The following TNS1 variants were observed in gnomAD, a reference collection of about 807,000 sequenced individuals.
TNS1 encodes tensin-1.
Under a neutral mutation model 168.6 loss-of-function variants are expected in TNS1, and 62 were observed. The observed-to-expected ratio is 0.37, with a 90% CI of 0.30 to 0.45. The LOEUF is 0.45. Among genes scored for constraint, TNS1 ranks in the 20% least tolerant of loss-of-function variants. TNS1 has a pLI of 1.00. For synonymous variants in TNS1, 934 were observed against 933.2 expected (o/e 1.00, Z -0.02); for missense variants, 2,240 against 2,339.4 (o/e 0.96, Z 0.88).
At chr2:217,942,984 G>C (rs1279786734) in intron 3 of TNS1, among the ~76,000 whole-genome samples, 1 of 152,208 alleles carries the variant, frequency 6.6e-6, no homozygotes, top group Non-Finnish European at 1.5e-5. Flanking sequence ...TGGATTGGGG[G>C]TTGGGGGACT....
rs762642338 is a variant in TNS1 at position 217,809,991 on chromosome 2, G to A, written c.5105C>T (p.Ala1702Val). ...AGAGTTGACGAAGAGCACATTGCAG[G>A]CTGGAAGAAACCAACCCAAGGGGGA... ...STADLLKQGA[A>V]CNVLFVNSVD... is the part of the protein sequence containing the mutation. Residue 1702 changes from alanine to valine, a missense_variant and splice_region_variant, in exon 30 of 33, where the codon GCC (alanine) becomes GTC (valine). Ala to Val is a moderately conservative substitution (Grantham distance 64, BLOSUM62 0). Transcript: ENST00000682258. 1 of 1,610,084 alleles carries A rather than the reference G, an allele frequency of 6.2e-7. No individual in the cohort carries two copies. Among genetic ancestry groups the A allele is most frequent in the South Asian group, 1.1e-5 (1 of 90,922 alleles).
intron 22 of TNS1, 65 bp from the exon 23 acceptor site, chr2:217,822,003 C>A (rs76633178): frequency 6.8e-7 from 1 of 1,466,232 alleles, no homozygotes; most frequent in African/African-American, 1.4e-5. Context: ...CAGGTCCCCC[C>A]CAACCTCCCC....
At chr2:217,961,795 C>T (rs1358906674) in intron 3 of TNS1, among the ~76,000 whole-genome samples, 2 of 152,092 alleles carry the variant, frequency 1.3e-5, no homozygotes, top group Admixed American at 1.3e-4. Flanking sequence ...TTCTCTGTAT[C>T]AACTTGACTA....
chr2:217,847,168 A>G (rs1226072122), intron 19 of TNS1, among the ~76,000 whole-genome samples: 1 of 152,224 alleles, frequency 6.6e-6, no homozygotes, highest in East Asian at 1.9e-4. Context: ...CCTAGGTGGT[A>G]AGCTTTGCTT....
intron 1 of TNS1, among the ~76,000 whole-genome samples, chr2:218,000,645 G>A (rs1479273614): frequency 1.3e-5 from 2 of 152,242 alleles, no homozygotes; most frequent in Admixed American, 6.5e-5. Flanking sequence ...CTCATGAAGG[G>A]AACTGCTTTA....
intron 21 of TNS1, among the ~76,000 whole-genome samples, chr2:217,833,600 A>G (rs2552531): frequency 0.1 from 15,393 of 152,280 alleles, 1,145 homozygotes; most frequent in African/African-American, 0.21. Context: ...AGATGTCACC[A>G]TGGAAAGTGA....
At chr2:217,899,985 G>A (rs1040081233) in intron 7 of TNS1, among the ~76,000 whole-genome samples, 3 of 152,116 alleles carry the variant, frequency 2.0e-5, no homozygotes, top group Non-Finnish European at 4.4e-5. Context: ...CCTTCCCCCG[G>A]CCCCTGCCAG....
intron 1 of TNS1, among the ~76,000 whole-genome samples, chr2:218,028,748 G>T (rs1385963960): frequency 6.6e-6 from 1 of 152,198 alleles, no homozygotes; most frequent in Non-Finnish European, 1.5e-5. Context: ...AGAAGGGCTG[G>T]CCAAAAGCAC....
rs1240441670 is a variant in TNS1, at chr2:217,848,592, C to A, written c.1925G>T (p.Gly642Val). ...GACCCCGTCCAGAGAAGAGAGTGTG[C>A]CCATGCTGCCCGCACTGTGACCATC... ...NQDGHSAGSM[G>V]TLSSLDGVTN... Residue 642 changes from glycine to valine, a missense_variant, in exon 19 of 33, where the codon GGC (glycine) becomes GTC (valine). Transcript: ENST00000682258. The A allele has an allele frequency of 1.9e-6, 3 of 1,614,200 alleles. No homozygotes were observed. Among genetic ancestry groups the A allele is most frequent in the Non-Finnish European group, 2.5e-6 (3 of 1,180,022 alleles).
chr2:217,998,645 G>T (rs373493833), intron 1 of TNS1, among the ~76,000 whole-genome samples: 2 of 152,244 alleles, frequency 1.3e-5, no homozygotes, highest in African/African-American at 4.8e-5. Flanking sequence ...GACTACCAGC[G>T]CATACCACCA....
chr2:217,837,612 G>T (rs1322896341), intron 19 of TNS1, among the ~76,000 whole-genome samples: 1 of 152,224 alleles, frequency 6.6e-6, no homozygotes, highest in African/African-American at 2.4e-5. Context: ...GTGGTGCCCT[G>T]AGTCTCCGCT....
At chr2:217,833,022 T>C (rs1056331619) in intron 21 of TNS1, among the ~76,000 whole-genome samples, 1 of 152,204 alleles carries the variant, frequency 6.6e-6, no homozygotes, top group African/African-American at 2.4e-5. Flanking sequence ...GTCTTGCTCA[T>C]AGACGCTTAT....
At chr2:217,962,246 G>T (rs1957515686) in intron 3 of TNS1, among the ~76,000 whole-genome samples, 1 of 152,166 alleles carries the variant, frequency 6.6e-6, no homozygotes, top group Non-Finnish European at 1.5e-5. Context: ...GAGCTCAAGA[G>T]CAGCCTGACC....
intron 3 of TNS1, among the ~76,000 whole-genome samples, chr2:217,926,956 G>C (rs1956059001): frequency 6.6e-6 from 1 of 152,210 alleles, no homozygotes; most frequent in Admixed American, 6.5e-5. Context: ...CAGGGCTATG[G>C]GATCACAGAG....
At chr2:217,808,518 C>G (rs1417745656) in intron 31 of TNS1, 85 bp downstream of exon 31, 1 of 1,291,780 alleles carries the variant, frequency 7.7e-7, no homozygotes, top group African/African-American at 1.5e-5. Context: ...CACACACACA[C>G]ACACACACAT....
chr2:217,809,280 C>CATGG (rs1940022247), intron 30 of TNS1, among the ~76,000 whole-genome samples: 1 of 4,282 alleles, frequency 2.3e-4, no homozygotes, highest in Admixed American at 2.7e-3. Flanking sequence ...TGGATGGATG[C>CATGG]ATGGATGGAT....
intron 25 of TNS1, among the ~76,000 whole-genome samples, chr2:217,814,341 G>A (rs1941511894): frequency 6.6e-6 from 1 of 152,148 alleles, no homozygotes; most frequent in African/African-American, 2.4e-5. Context: ...TAAATGGCCG[G>A]AGAGTAAATA....
chr2:217,903,565 A>G lies in TNS1; in HGVS notation c.321+2770T>C, dbSNP rs1011137616. On this transcript the variant is annotated intron_variant, in intron 6 of 32. Coordinates refer to ENST00000682258, the MANE Select transcript of TNS1 (RefSeq NM_001387777.1). ...GGTTGATTACAGAACTTTTCATCCA[A>G]CTCTCTAAACACCAAACAGAACTCT... 19 of 1,527,412 alleles carry G rather than the reference A, an allele frequency of 1.2e-5. No individual in the cohort carries two copies. The Admixed American group carries it at 2.2e-4, about 18-fold the overall frequency. The allele number at this position is 1,527,412 out of a possible 1,614,324, so 94.6% of individuals were successfully genotyped here.
At position 217,831,555 on chromosome 2, in the gene TNS1, A is replaced by G. The variant is rs1296420597; in HGVS notation, c.3281-8T>C. On this transcript the variant is annotated splice_region_variant and splice_polypyrimidine_tract_variant and intron_variant, in intron 21 of 32. Coordinates refer to ENST00000682258, the MANE Select transcript of TNS1 (RefSeq NM_001387777.1). Reference sequence around the variant, plus strand: ...GACCCGGGGGGGACCGCACTGTGCCAGGAAGAAGAGGGGAGACACAGGGAG... The same window carrying G: ...GACCCGGGGGGGACCGCACTGTGCCGGGAAGAAGAGGGGAGACACAGGGAG... 5 of 1,483,764 alleles carry G rather than the reference A, an allele frequency of 3.4e-6. 1 individual carries two copies. In the South Asian group the frequency reaches 7.1e-5, roughly 21 times the overall value. 91.9% of individuals were successfully genotyped at this position (1,483,764 alleles called of 1,614,324 possible).
Sources: allele counts gnomAD v4.1 joint callset (sites outside exome capture counted in the v4.1 genomes callset), GRCh38; gene constraint gnomAD v4.1.1; transcripts MANE v1.5; gene names NCBI Gene and HGNC (gene_info 2026-07-23, HGNC 2026-07-21).